Variants in NEIL2 observed in about 807,000 individuals in gnomAD.
NEIL2 encodes endonuclease 8-like 2.
A neutral mutation model predicts 22.2 loss-of-function variants in NEIL2; 23 were observed. The observed-to-expected ratio is 1.04, with a 90% CI of 0.75 to 1.47. The LOEUF is 1.47. Ranked by LOEUF, NEIL2 falls within the 40% of genes most tolerant of loss-of-function variation. The probability of loss-of-function intolerance (pLI) is 0.00; values close to 1 mark genes in which losing one functional copy is unlikely to be tolerated. For missense variants in NEIL2, 583 were observed against 404.7 expected (o/e 1.44, Z -3.78); for synonymous variants, 229 against 164.8 (o/e 1.39, Z -2.99).
At chr8:11,779,178 G>GT (rs911537981) in intron 2 of NEIL2, among the ~76,000 whole-genome samples, 2 of 152,152 alleles carry the variant, frequency 1.3e-5, no homozygotes, top group African/African-American at 4.8e-5. Context: ...GGGGTACCCA[G>GT]TTTCACAGGG....
At position 11,772,715 on chromosome 8, in the gene NEIL2, G is replaced by T. The variant is rs1249629554; in HGVS notation, c.138+1130G>T. ...GTGCCGGCACGTAGGAAGCACGGGT[G>T]GTGCCTGTGGATGAGCTCACGCGCT... On this transcript the variant is annotated intron_variant, in intron 2 of 4. Transcript: ENST00000284503. Among the ~76,000 whole-genome samples the T allele has an allele frequency of 2.1e-4, 32 of 152,188 alleles. 1 individual carries two copies. Among genetic ancestry groups the T allele is most frequent in the Admixed American group, 2.1e-3 (32 of 15,286 alleles).
Position 11,779,766 on chromosome 8 carries a change from C to A in NEIL2, c.307C>A (p.Arg103=). Residue 103 remains arginine, a synonymous_variant, in exon 3 of 5, where the codon CGG becomes AGG. Coordinates refer to ENST00000284503, the MANE Select transcript of NEIL2 (RefSeq NM_145043.4). ...SGQKTLDGSS[R]SAELVPQGED... is the part of the protein sequence containing the mutation. ...GCAGAAGACCCTTGATGGATCCTCA[C>A]GGTCTGCAGAGCTCGTCCCCCAGGG... 1 of 1,614,164 alleles carries A rather than the reference C, an allele frequency of 6.2e-7. No individual in the cohort carries two copies. The highest frequency in any genetic ancestry group is 8.5e-7 in the Non-Finnish European group (1 of 1,180,028).
chr8:11,786,360 G>A lies in NEIL2; in HGVS notation c.*87G>A. On this transcript the variant is annotated 3_prime_UTR_variant, in exon 5 of 5. Coordinates refer to ENST00000284503, the MANE Select transcript of NEIL2 (RefSeq NM_145043.4). ...GAAAGGAGGATGTGGGCAGGGACGG[G>A]GTACAGAGGATAGTGTGGGTCAGAG... 1.5e-6 allele frequency: 2 copies of A among 1,332,154 alleles called. No individual in the cohort carries two copies. Among genetic ancestry groups the A allele is most frequent in the Non-Finnish European group, 2.1e-6 (2 of 947,458 alleles). 82.5% of individuals were successfully genotyped at this position (1,332,154 alleles called of 1,614,324 possible).
At chr8:11,772,803 G>C (rs1056472957) in intron 2 of NEIL2, among the ~76,000 whole-genome samples, 2 of 152,194 alleles carry the variant, frequency 1.3e-5, no homozygotes, top group Non-Finnish European at 1.5e-5. Flanking sequence ...TTCTATTGTA[G>C]AATGGAGATA....
intron 2 of NEIL2, among the ~76,000 whole-genome samples, chr8:11,777,346 TCC>T (rs1036912326): frequency 6.6e-6 from 1 of 151,332 alleles, no homozygotes; most frequent in Non-Finnish European, 1.5e-5. Context: ...GTTGTCCCCC[TCC>T]CACCCCCACC....
intron 2 of NEIL2, among the ~76,000 whole-genome samples, chr8:11,775,526 C>T (rs1378465292): frequency 6.6e-6 from 1 of 152,220 alleles, no homozygotes; most frequent in Non-Finnish European, 1.5e-5. Flanking sequence ...TCCTTATTGG[C>T]TTGGTGGTTA....
At chr8:11,775,750 A>AG (rs1803855340) in intron 2 of NEIL2, among the ~76,000 whole-genome samples, 1 of 152,230 alleles carries the variant, frequency 6.6e-6, no homozygotes, top group East Asian at 1.9e-4. Flanking sequence ...TCTCTAGGGC[A>AG]GGGGCAAAAT....
intron 2 of NEIL2, among the ~76,000 whole-genome samples, chr8:11,775,108 C>G (rs1403200694): frequency 6.6e-6 from 1 of 152,280 alleles, no homozygotes; most frequent in Non-Finnish European, 1.5e-5. Context: ...CCTTGGGGCT[C>G]TAACCCCGTC....
intron 3 of NEIL2, among the ~76,000 whole-genome samples, chr8:11,782,396 G>T (rs548998281): frequency 6.6e-6 from 1 of 152,222 alleles, no homozygotes; most frequent in Admixed American, 6.5e-5. Flanking sequence ...CTGCACTCCC[G>T]CTTGGGTGAC....
chr8:11,778,059 T>G (rs774850641), intron 2 of NEIL2, among the ~76,000 whole-genome samples: 1 of 152,200 alleles, frequency 6.6e-6, no homozygotes, highest in Non-Finnish European at 1.5e-5. Context: ...TAATTAATGA[T>G]TAGTGAATTG....
Position 11,783,216 on chromosome 8 carries a change from T to G in NEIL2, c.505T>G (p.Phe169Val), listed in dbSNP as rs751739930. The G allele has an allele frequency of 1.9e-6, 3 of 1,614,248 alleles. No homozygotes were observed. In the South Asian group the frequency reaches 3.3e-5, roughly 18 times the overall value. Residue 169 changes from phenylalanine (F) to valine (V), a missense_variant, in exon 4 of 5, where the codon TTT becomes GTT. By Grantham distance (50) the Phe-to-Val change is conservative. Transcript: ENST00000284503. ...CTTTCTTCCCAGGTTGGTCCTGCAC[T>G]TTGGTGGTGGTGGCTTCCTGGCATT... ...RDPSPRLVLH[F>V]GGGGFLAFYN...
rs1441776298 is a variant in NEIL2 at position 11,779,776 on chromosome 8, A to T, written c.317A>T (p.Glu106Val). Residue 106 changes from glutamate to valine, a missense_variant, in exon 3 of 5, where the codon GAG becomes GTG. Coordinates refer to ENST00000284503, the MANE Select transcript of NEIL2 (RefSeq NM_145043.4). The stretch of plus-strand genomic sequence containing the variant: ...CTTGATGGATCCTCACGGTCTGCAG[A>T]GCTCGTCCCCCAGGGCGAGGATGAT... The part of the protein sequence containing the change: ...KTLDGSSRSA[E>V]LVPQGEDDSE... The T allele has an allele frequency of 6.2e-7, 1 of 1,614,196 alleles. No homozygotes were observed. The highest frequency in any genetic ancestry group is 8.5e-7 in the Non-Finnish European group (1 of 1,180,036).
At chr8:11,773,875 A>G (rs900762704) in intron 2 of NEIL2, among the ~76,000 whole-genome samples, 1 of 152,214 alleles carries the variant, frequency 6.6e-6, no homozygotes, top group Non-Finnish European at 1.5e-5. Flanking sequence ...GGAACAGTCC[A>G]GGGTGGTATA....
At chr8:11,771,616 C>T in intron 2 of NEIL2, 31 bp downstream of exon 2, 2 of 1,601,370 alleles carry the variant, frequency 1.2e-6, no homozygotes, top group East Asian at 2.2e-5. Flanking sequence ...AGGGTTGGCT[C>T]TGTCGCCCAT....
At chr8:11,775,719 T>C (rs1803851888) in intron 2 of NEIL2, among the ~76,000 whole-genome samples, 1 of 152,240 alleles carries the variant, frequency 6.6e-6, no homozygotes, top group Non-Finnish European at 1.5e-5. Context: ...ATCATGTCTC[T>C]CAAGTTCAAA....
chr8:11,774,906 T>A (rs1268656324), intron 2 of NEIL2, among the ~76,000 whole-genome samples: 1 of 152,236 alleles, frequency 6.6e-6, no homozygotes. Flanking sequence ...CCCACGGCCT[T>A]GGGCAGCTCT....
intron 3 of NEIL2, 99 bp downstream of exon 3, chr8:11,780,049 C>T: frequency 1.0e-6 from 1 of 999,816 alleles, no homozygotes; most frequent in South Asian, 1.4e-5. Context: ...CTGAGGACGT[C>T]CAGTCTGCCC....
intron 2 of NEIL2, among the ~76,000 whole-genome samples, chr8:11,775,318 AAGC>A (rs8191575): frequency 0.39 from 59,018 of 151,910 alleles, 13,275 homozygotes; most frequent in East Asian, 0.7. Context: ...GTACCCTCTG[AAGC>A]AGCAGCCTGG....
At chr8:11,778,508 G>A (rs4840584) in intron 2 of NEIL2, among the ~76,000 whole-genome samples, 9,286 of 152,186 alleles carry the variant, frequency 0.061, 379 homozygotes, top group Middle Eastern at 0.11. Context: ...TAGTGGTCAA[G>A]AAAGTAACAC....
Sources: allele counts gnomAD v4.1 joint callset (sites outside exome capture counted in the v4.1 genomes callset), GRCh38; gene constraint gnomAD v4.1.1; transcripts MANE v1.5; gene names NCBI Gene and HGNC (gene_info 2026-07-23, HGNC 2026-07-21).